The following WWOX variants were observed in gnomAD, a reference collection of about 807,000 sequenced individuals.
The protein encoded by WWOX is WW domain containing oxidoreductase, also known as WW domain-containing oxidoreductase.
In WWOX, 69 loss-of-function variants were observed where a neutral mutation model predicts 46.2. The ratio of observed to expected loss-of-function variants is 1.49; its 90% CI spans 1.23 to 1.82. WWOX has a LOEUF of 1.82. Ranked by LOEUF, WWOX falls within the 40% of genes most tolerant of loss-of-function variation. WWOX has a pLI of 0.00. For missense variants in WWOX, 919 were observed against 542.6 expected (o/e 1.69, Z -6.89); for synonymous variants, 359 against 202.6 (o/e 1.77, Z -6.56).
At chr16:78,945,516 T>C (rs2045931663) in intron 8 of WWOX, among the ~76,000 whole-genome samples, 1 of 152,232 alleles carries the variant, frequency 6.6e-6, no homozygotes, top group Non-Finnish European at 1.5e-5. Context: ...AAATCTCTTC[T>C]GTTACTGTTT....
intron 8 of WWOX, among the ~76,000 whole-genome samples, chr16:78,439,396 C>G (rs956036510): frequency 1.3e-5 from 2 of 152,276 alleles, no homozygotes; most frequent in South Asian, 4.1e-4. Context: ...CTGGCTTGTC[C>G]TCTTACACCA....
At chr16:78,738,809 C>T (rs758488959) in intron 8 of WWOX, among the ~76,000 whole-genome samples, 10 of 152,168 alleles carry the variant, frequency 6.6e-5, no homozygotes, top group African/African-American at 2.2e-4. Flanking sequence ...CACAAAGCCA[C>T]AGTCTCCTAG....
intron 8 of WWOX, among the ~76,000 whole-genome samples, chr16:78,998,940 C>T (rs984936646): frequency 3.3e-5 from 5 of 152,196 alleles, no homozygotes; most frequent in African/African-American, 4.8e-5. Flanking sequence ...ATGCCAGCAA[C>T]CAAACTTGCA....
At chr16:78,478,376 G>A (rs1272316092) in intron 8 of WWOX, among the ~76,000 whole-genome samples, 1 of 152,080 alleles carries the variant, frequency 6.6e-6, no homozygotes, top group Non-Finnish European at 1.5e-5. Flanking sequence ...CATTTGATCT[G>A]GTTCTTCCTT....
chr16:78,708,704 C>A (rs1425878262), intron 8 of WWOX, among the ~76,000 whole-genome samples: 2 of 152,054 alleles, frequency 1.3e-5, no homozygotes, highest in Non-Finnish European at 2.9e-5. Context: ...CCTCCAAGTG[C>A]GTTTATTATT....
chr16:78,797,474 T>C (rs1015391492), intron 8 of WWOX, among the ~76,000 whole-genome samples: 6 of 151,932 alleles, frequency 3.9e-5, no homozygotes, highest in Non-Finnish European at 8.8e-5. Context: ...TTGCTCTAAT[T>C]TGTAGAGATG....
At chr16:78,277,212 T>C (rs1323169852) in intron 5 of WWOX, among the ~76,000 whole-genome samples, 2 of 152,166 alleles carry the variant, frequency 1.3e-5, no homozygotes, top group African/African-American at 4.8e-5. Flanking sequence ...AAAAGGGGGA[T>C]GGCAGAGATT....
intron 8 of WWOX, among the ~76,000 whole-genome samples, chr16:78,590,224 G>A (rs372286384): frequency 2.0e-5 from 3 of 152,066 alleles, no homozygotes; most frequent in East Asian, 1.9e-4. Flanking sequence ...TGGTTCTAGA[G>A]GCTGGAAAAT....
At position 78,230,316 on chromosome 16, in the gene WWOX, A is replaced by G. The variant is rs535398139; in HGVS notation, c.516+66027A>G. Among the ~76,000 whole-genome samples the G allele has an allele frequency of 3.9e-5, 6 of 152,332 alleles. No individual in the cohort carries two copies. In the South Asian group the frequency reaches 1.0e-3, roughly 26 times the overall value. The stretch of plus-strand genomic sequence containing the variant: ...TTTGTGATGCTCTAATGAACTTACA[A>G]AAGGCCAGGCCTAGTATTTCAGCTG... On this transcript the variant is annotated intron_variant, in intron 5 of 8. Transcript: ENST00000566780.
chr16:78,481,235 G>T (rs771627444), intron 8 of WWOX, among the ~76,000 whole-genome samples: 24 of 152,256 alleles, frequency 1.6e-4, no homozygotes, highest in Non-Finnish European at 3.4e-4. Context: ...TTTTCTAACT[G>T]ATGAAAGCGT....
At chr16:78,914,957 C>G (rs577178781) in intron 8 of WWOX, among the ~76,000 whole-genome samples, 1 of 149,744 alleles carries the variant, frequency 6.7e-6, no homozygotes, top group East Asian at 2.0e-4. Flanking sequence ...GGTGGAGAGA[C>G]AGAGAATCAG....
intron 5 of WWOX, among the ~76,000 whole-genome samples, chr16:78,296,093 T>C (rs763108354): frequency 6.6e-6 from 1 of 152,240 alleles, no homozygotes; most frequent in Non-Finnish European, 1.5e-5. Context: ...GCTTTAAAAC[T>C]AGCTCTTCGA....
chr16:78,911,605 C>A (rs2045113419), intron 8 of WWOX, among the ~76,000 whole-genome samples: 1 of 152,058 alleles, frequency 6.6e-6, no homozygotes, highest in African/African-American at 2.4e-5. Flanking sequence ...GTGGCTCACA[C>A]CTGTAATCCC....
rs60247224 is a variant in WWOX, at chr16:78,341,168, A to ATTT, written c.517-45681_517-45679dup. ...ATCTGCTTTCCAGCATCCAACTGTAATTTTTTTTTTTTTAAGAGAAATGAA... is the reference window on the plus strand; with the variant it reads ...ATCTGCTTTCCAGCATCCAACTGTAATTTTTTTTTTTTTTTTAAGAGAAATGAA... On this transcript the variant is annotated intron_variant, in intron 5 of 8. Transcript: ENST00000566780. Among the ~76,000 whole-genome samples the ATTT allele has an allele frequency of 3.9e-4, 41 of 105,738 alleles. 6 individuals are homozygous for ATTT. Among genetic ancestry groups the ATTT allele is most frequent in the Admixed American group, 8.5e-4 (9 of 10,550 alleles). 69.4% of individuals were successfully genotyped at this position (105,738 alleles called of 152,430 possible). A position where few individuals can be genotyped will look rare whatever the true frequency, so the allele number is the denominator to read the frequency against.
chr16:79,159,578 G>C (rs111637370), intron 8 of WWOX, among the ~76,000 whole-genome samples: 4,109 of 152,238 alleles, frequency 0.027, 217 homozygotes, highest in African/African-American at 0.095. Flanking sequence ...TTTCTTACCT[G>C]GGTTACAAAG....
chr16:78,544,833 C>G (rs2043987903), intron 8 of WWOX, among the ~76,000 whole-genome samples: 1 of 152,038 alleles, frequency 6.6e-6, no homozygotes, highest in African/African-American at 2.4e-5. Context: ...TGTGATCGCT[C>G]CACTGCACTC....
rs563287090 is a variant in WWOX at position 78,546,501 on chromosome 16, G to A, written c.1056+113749G>A. Among the ~76,000 whole-genome samples the A allele has an allele frequency of 1.3e-5, 2 of 152,290 alleles. 1 individual carries two copies. Among genetic ancestry groups the A allele is most frequent in the East Asian group, 3.9e-4 (2 of 5,182 alleles). On this transcript the variant is annotated intron_variant, in intron 8 of 8. Coordinates refer to ENST00000566780, the MANE Select transcript of WWOX (RefSeq NM_016373.4). ...TAATTACATCTCATATTGTGGGATT[G>A]CAATTACCTTGCCCAAGAAAAGATT...
chr16:78,594,066 G>A (rs1273724179), intron 8 of WWOX, among the ~76,000 whole-genome samples: 2 of 152,100 alleles, frequency 1.3e-5, no homozygotes, highest in Non-Finnish European at 2.9e-5. Flanking sequence ...ATGTGATCAC[G>A]TTTATAAAGT....
intron 8 of WWOX, among the ~76,000 whole-genome samples, chr16:78,904,922 G>A (rs148372934): frequency 1.1e-4 from 16 of 152,210 alleles, no homozygotes; most frequent in African/African-American, 3.1e-4. Flanking sequence ...CCTTTTCCCA[G>A]TTGGTGCCCC....
Sources: gnomAD v4.1 joint callset for allele counts (sites outside exome capture counted in the v4.1 genomes callset) on GRCh38, gnomAD v4.1.1 for gene constraint, MANE v1.5 for transcripts, NCBI Gene and HGNC (gene_info 2026-07-23, HGNC 2026-07-21) for gene names.